PLEKHB2: variants seen among roughly 807,000 people sequenced by gnomAD.
The protein encoded by PLEKHB2 is pleckstrin homology domain containing B2.
PLEKHB2 carries 31 observed loss-of-function variants against 36.5 expected under a neutral mutation model. The observed-to-expected ratio is 0.85, with a 90% CI of 0.64 to 1.15. The LOEUF (loss-of-function observed/expected upper bound fraction) is 1.15, where lower values mean the gene tolerates loss of function less well. PLEKHB2 is among the 50% of genes most tolerant of loss of function. PLEKHB2 has a pLI of 0.00. For synonymous variants in PLEKHB2, 119 were observed against 112.0 expected (o/e 1.06, Z -0.39); for missense variants, 262 against 295.3 (o/e 0.89, Z 0.83).
At chr2:131,117,795 T>A (rs1201401821) in intron 1 of PLEKHB2, among the ~76,000 whole-genome samples, 1 of 152,212 alleles carries the variant, frequency 6.6e-6, no homozygotes, top group Non-Finnish European at 1.5e-5. Flanking sequence ...TCCTTTTTGT[T>A]TCGCCTGTTT....
chr2:131,138,428 T>C (rs1043824779), intron 6 of PLEKHB2, among the ~76,000 whole-genome samples: 1 of 152,200 alleles, frequency 6.6e-6, no homozygotes, highest in African/African-American at 2.4e-5. Context: ...GTCTTCCTGG[T>C]TCTTGGTATA....
chr2:131,125,598 G>A (rs184802957), intron 2 of PLEKHB2, among the ~76,000 whole-genome samples, 155 bp from the exon 3 acceptor site: 57 of 152,220 alleles, frequency 3.7e-4, no homozygotes, highest in African/African-American at 1.3e-3. Context: ...GCAGCTAAAC[G>A]GGAGGCTGAA....
intron 1 of PLEKHB2, among the ~76,000 whole-genome samples, chr2:131,110,197 A>G (rs1695152380): frequency 6.6e-6 from 1 of 152,182 alleles, no homozygotes; most frequent in African/African-American, 2.4e-5. Flanking sequence ...TTTTGATCAT[A>G]GAAGACTTTT....
rs375268888 is a variant in PLEKHB2, at chr2:131,149,450, A to G, written c.*2677A>G. On this transcript the variant is annotated 3_prime_UTR_variant, in exon 8 of 8. Transcript: ENST00000693505. ...GATTGTTCTTTTCATTCCTTGAGTCAACTTCAGGGTCTTGGATACTAAAGA... is the reference window on the plus strand; with the variant it reads ...GATTGTTCTTTTCATTCCTTGAGTCGACTTCAGGGTCTTGGATACTAAAGA... The G allele has an allele frequency of 5.0e-4, 76 of 152,300 alleles. No homozygotes were observed. The highest frequency in any genetic ancestry group is 1.8e-3 in the African/African-American group (75 of 41,556). The allele number at this position is 152,300 out of a possible 1,614,324, so 9.4% of individuals were successfully genotyped here. A position where few individuals can be genotyped will look rare whatever the true frequency, so the allele number is the denominator to read the frequency against.
chr2:131,107,030 C>T (rs1694808473), intron 1 of PLEKHB2, among the ~76,000 whole-genome samples: 1 of 152,146 alleles, frequency 6.6e-6, no homozygotes, highest in Non-Finnish European at 1.5e-5. Flanking sequence ...TGGTGTTACT[C>T]CTTGGGAAGG....
chr2:131,134,967 T>C (rs1698086642), intron 6 of PLEKHB2, among the ~76,000 whole-genome samples: 1 of 152,230 alleles, frequency 6.6e-6, no homozygotes, highest in Non-Finnish European at 1.5e-5. Flanking sequence ...TCAGTTTTTT[T>C]AGTGATTGCA....
chr2:131,124,663 T>A (rs1357831013), intron 2 of PLEKHB2, among the ~76,000 whole-genome samples: 1 of 152,242 alleles, frequency 6.6e-6, no homozygotes, highest in East Asian at 1.9e-4. Flanking sequence ...TATATCCTGC[T>A]GTGCTCATTT....
At position 131,120,983 on chromosome 2, in the gene PLEKHB2, G is replaced by GT; in HGVS notation, c.37+6dup. On this transcript the variant is annotated splice_donor_region_variant and intron_variant, in intron 2 of 7. Transcript: ENST00000693505. ...GTGGCTGGTTGCTGCGACAGAGTGA[G>GT]TACAGGATGTGCGGTCTGCGATCGG... 1.9e-6 allele frequency: 3 copies of GT among 1,613,842 alleles called. No homozygotes were observed. The highest frequency in any genetic ancestry group is 2.5e-6 in the Non-Finnish European group (3 of 1,179,706).
At chr2:131,107,883 C>G (rs1335644515) in intron 1 of PLEKHB2, 1 of 152,224 alleles carries the variant, frequency 6.6e-6, no homozygotes, top group African/African-American at 2.4e-5. Context: ...AGGCTGGTCT[C>G]GAACTCCTGA....
chr2:131,130,190 T>C (rs1697537842), intron 4 of PLEKHB2, among the ~76,000 whole-genome samples: 1 of 151,992 alleles, frequency 6.6e-6, no homozygotes, highest in Non-Finnish European at 1.5e-5. Flanking sequence ...ACTGCAGGCA[T>C]GCGCCACCAT....
intron 7 of PLEKHB2, among the ~76,000 whole-genome samples, chr2:131,142,326 A>G (rs115662930): frequency 0.022 from 3,278 of 152,286 alleles, 123 homozygotes; most frequent in African/African-American, 0.074. Context: ...TTTTCTCCTT[A>G]TAATCATGCA....
chr2:131,123,775 ACCCCCCCCCCCG>A (rs1696795687), intron 2 of PLEKHB2, among the ~76,000 whole-genome samples: 34 of 38,762 alleles, frequency 8.8e-4, no homozygotes, highest in Non-Finnish European at 1.2e-3. Context: ...CACCCCCCCC[ACCCCCCCCCCCG>A]CCCCCCGCCC....
intron 1 of PLEKHB2, among the ~76,000 whole-genome samples, chr2:131,110,706 G>C (rs1213402531): frequency 6.6e-6 from 1 of 151,892 alleles, no homozygotes; most frequent in Non-Finnish European, 1.5e-5. Context: ...TGGAATTCTG[G>C]CTTGGAAATA....
At chr2:131,115,476 C>T (rs1440241118) in intron 1 of PLEKHB2, among the ~76,000 whole-genome samples, 1 of 150,048 alleles carries the variant, frequency 6.7e-6, no homozygotes, top group Non-Finnish European at 1.5e-5. Context: ...GCCTCAGCCT[C>T]CCGAGTAGCT....
intron 2 of PLEKHB2, among the ~76,000 whole-genome samples, chr2:131,123,572 T>G (rs1696742866): frequency 6.6e-6 from 1 of 152,224 alleles, no homozygotes; most frequent in African/African-American, 2.4e-5. Flanking sequence ...TCGCCCAGGC[T>G]GGAGTGCAAT....
intron 6 of PLEKHB2, among the ~76,000 whole-genome samples, chr2:131,136,375 AT>A (rs893569537): frequency 2.2e-4 from 32 of 148,216 alleles, no homozygotes; most frequent in African/African-American, 2.3e-4. Context: ...CTGCAAAAAA[AT>A]TTTTTTTTTT....
rs934737262 is a variant in PLEKHB2, at chr2:131,149,407, T to C, written c.*2634T>C. 3.9e-5 allele frequency: 6 copies of C among 152,256 alleles called. No individual in the cohort carries two copies. Among genetic ancestry groups the C allele is most frequent in the Admixed American group, 1.3e-4 (2 of 15,284 alleles). The allele number at this position is 152,256 out of a possible 1,614,324, so 9.4% of individuals were successfully genotyped here. A position where few individuals can be genotyped will look rare whatever the true frequency, so the allele number is the denominator to read the frequency against. On this transcript the variant is annotated 3_prime_UTR_variant, in exon 8 of 8. Transcript: ENST00000693505. The stretch of plus-strand genomic sequence containing the variant: ...ACCTTGAAGAAGTTGGCCAATGATA[T>C]TATATACATGCTGATCTGATTGTTC...
chr2:131,120,881 A>G (rs754424497), intron 1 of PLEKHB2, 53 bp from the exon 2 acceptor site: 10 of 1,560,318 alleles, frequency 6.4e-6, no homozygotes, highest in Admixed American at 3.3e-5. Flanking sequence ...CGGGCCGGAC[A>G]GGCTATTCTC....
intron 2 of PLEKHB2, among the ~76,000 whole-genome samples, chr2:131,123,343 C>T (rs983104632): frequency 6.6e-6 from 1 of 152,188 alleles, no homozygotes; most frequent in African/African-American, 2.4e-5. Context: ...TAGGCAAAGC[C>T]AGCCTTGGGA....
Sources: allele counts gnomAD v4.1 joint callset (sites outside exome capture counted in the v4.1 genomes callset), GRCh38; gene constraint gnomAD v4.1.1; transcripts MANE v1.5; gene names NCBI Gene and HGNC (gene_info 2026-07-23, HGNC 2026-07-21).